Variants in IL1RAPL1 observed in about 807,000 individuals in gnomAD.
IL1RAPL1 encodes the protein interleukin-1 receptor accessory protein-like 1.
In IL1RAPL1, 3 loss-of-function variants were observed where a neutral mutation model predicts 48.4. The ratio of observed to expected loss-of-function variants is 0.06; its 90% CI spans 0.03 to 0.16. The LOEUF (loss-of-function observed/expected upper bound fraction) is 0.16. Among genes scored for constraint, IL1RAPL1 ranks in the 10% least tolerant of loss-of-function variants. IL1RAPL1 has a pLI of 1.00. For missense variants in IL1RAPL1, 349 were observed against 530.6 expected, an observed-to-expected ratio of 0.66 and a Z score of 3.36; for synonymous variants, 185 against 187.7, an observed-to-expected ratio of 0.99 and a Z score of 0.12.
chrX:28,769,975 C>A (rs1184932018), intron 1 of IL1RAPL1, among the ~76,000 whole-genome samples: 3 of 112,036 alleles, frequency 2.7e-5, no homozygotes, highest in African/African-American at 9.7e-5. Context: ...GCTATATAGA[C>A]TCTGAATCTA....
intron 5 of IL1RAPL1, among the ~76,000 whole-genome samples, chrX:29,465,223 A>G (rs978759559): frequency 1.8e-5 from 2 of 110,840 alleles, no homozygotes; most frequent in African/African-American, 6.6e-5. Context: ...TGGGCAACAT[A>G]GTGAGTCCCT....
intron 8 of IL1RAPL1, among the ~76,000 whole-genome samples, chrX:29,935,348 A>T (rs151159303): frequency 4.1e-4 from 46 of 111,632 alleles, no homozygotes; most frequent in Non-Finnish European, 1.5e-4. Context: ...TGCCTGAATC[A>T]ATTATTATTA....
chrX:29,413,933 A>ATG (rs1934181462), intron 5 of IL1RAPL1, among the ~76,000 whole-genome samples: 2 of 110,579 alleles, frequency 1.8e-5, no homozygotes, highest in Non-Finnish European at 3.8e-5. Context: ...GTGTATATAT[A>ATG]TGTGTGTGTG....
intron 2 of IL1RAPL1, among the ~76,000 whole-genome samples, chrX:28,894,727 CT>C (rs1217225089): frequency 1.8e-5 from 2 of 110,767 alleles, no homozygotes; most frequent in Non-Finnish European, 3.8e-5. Context: ...GAGGGCTAGG[CT>C]AAAACAGTAA....
intron 1 of IL1RAPL1, among the ~76,000 whole-genome samples, chrX:28,767,987 T>C (rs1396230455): frequency 3.6e-5 from 4 of 111,601 alleles, no homozygotes; most frequent in African/African-American, 9.7e-5. Context: ...AATATGTCTG[T>C]TAAATTGAAA....
intron 2 of IL1RAPL1, among the ~76,000 whole-genome samples, chrX:29,056,649 T>C (rs1208606082): frequency 8.9e-6 from 1 of 111,823 alleles, no homozygotes; most frequent in Non-Finnish European, 1.9e-5. Context: ...TTATTTTATG[T>C]TCCAGGGTAT....
At chrX:29,008,340 A>AT (rs746409625) in intron 2 of IL1RAPL1, among the ~76,000 whole-genome samples, 6,505 of 109,137 alleles carry the variant, frequency 0.06, 237 homozygotes, top group African/African-American at 0.12. Context: ...ACGCTTGGCT[A>AT]TTTTTTTGTA....
chrX:28,852,413 T>G (rs1032327309), intron 2 of IL1RAPL1, among the ~76,000 whole-genome samples: 1 of 110,473 alleles, frequency 9.1e-6, no homozygotes, highest in African/African-American at 3.3e-5. Context: ...TATAACAAAT[T>G]TGTGTATTTT....
intron 3 of IL1RAPL1, among the ~76,000 whole-genome samples, chrX:29,367,703 C>A (rs1489668193): frequency 1.8e-5 from 2 of 108,625 alleles, no homozygotes; most frequent in African/African-American, 6.7e-5. Flanking sequence ...GCCTCAGCCT[C>A]CCAAGTAGCT....
chrX:28,856,669 T>C (rs1481573159), intron 2 of IL1RAPL1, among the ~76,000 whole-genome samples: 1 of 111,364 alleles, frequency 9.0e-6, no homozygotes, highest in Non-Finnish European at 1.9e-5. Flanking sequence ...GAAATTGTTT[T>C]GGGGCACCAC....
intron 5 of IL1RAPL1, among the ~76,000 whole-genome samples, chrX:29,517,953 A>G (rs1935464231): frequency 9.0e-6 from 1 of 111,652 alleles, no homozygotes; most frequent in Admixed American, 9.5e-5. Flanking sequence ...CTTACTGTTA[A>G]CTCTAATTTT....
chrX:29,357,876 T>C (rs1352097237), intron 3 of IL1RAPL1, among the ~76,000 whole-genome samples: 1 of 111,765 alleles, frequency 8.9e-6, no homozygotes, highest in African/African-American at 3.3e-5. Flanking sequence ...GTGCTTATGG[T>C]TGTTGAAGAG....
chrX:29,737,336 A>C (rs1043801963), intron 6 of IL1RAPL1, among the ~76,000 whole-genome samples: 12 of 111,636 alleles, frequency 1.1e-4, no homozygotes, highest in Non-Finnish European at 2.3e-4. Context: ...GGAGGGAGGC[A>C]ACAAATTCCA....
chrX:29,361,179 G>C (rs940123590), intron 3 of IL1RAPL1, among the ~76,000 whole-genome samples: 2 of 111,866 alleles, frequency 1.8e-5, no homozygotes, highest in African/African-American at 6.5e-5. Context: ...GGAGGGTACA[G>C]ATGGAACAAC....
chrX:28,828,511 T>C (rs1229586355), intron 2 of IL1RAPL1, among the ~76,000 whole-genome samples: 1 of 111,898 alleles, frequency 8.9e-6, no homozygotes, highest in Non-Finnish European at 1.9e-5. Context: ...ATTTCCCACA[T>C]TGAATTGTCT....
chrX:28,615,210 T>TG (rs756719995), intron 1 of IL1RAPL1, among the ~76,000 whole-genome samples: 10,059 of 67,904 alleles, frequency 0.15, 537 homozygotes, highest in Non-Finnish European at 0.19. Flanking sequence ...TTTTTTTTTT[T>TG]TTTTTTTTTT....
intron 1 of IL1RAPL1, among the ~76,000 whole-genome samples, chrX:28,778,557 C>T (rs762400313): frequency 8.9e-6 from 1 of 111,750 alleles, no homozygotes; most frequent in South Asian, 3.7e-4. Flanking sequence ...ATACGAAAGG[C>T]GTAAGAAAGG....
chrX:29,569,904 A>C (rs1211281253), intron 5 of IL1RAPL1, among the ~76,000 whole-genome samples: 1 of 111,993 alleles, frequency 8.9e-6, no homozygotes, highest in Non-Finnish European at 1.9e-5. Context: ...TGAAATCAGT[A>C]AGTTTGTAAT....
At chrX:28,723,425 G>A (rs1317755328) in intron 1 of IL1RAPL1, among the ~76,000 whole-genome samples, 1 of 110,957 alleles carries the variant, frequency 9.0e-6, no homozygotes, top group Admixed American at 9.6e-5. Context: ...TATTTCTGTG[G>A]GATCAGTGGT....
Sources: allele counts gnomAD v4.1 joint callset (sites outside exome capture counted in the v4.1 genomes callset), GRCh38; gene constraint gnomAD v4.1.1; transcripts MANE v1.5; gene names NCBI Gene and HGNC (gene_info 2026-07-23, HGNC 2026-07-21).